Variants in FTO observed in about 807,000 individuals in gnomAD.
The protein encoded by FTO is FTO alpha-ketoglutarate dependent dioxygenase.
In FTO, 47 loss-of-function variants were observed where a neutral mutation model predicts 63.9. That is an observed-to-expected ratio of 0.74 (90% CI 0.58 to 0.94). FTO has a LOEUF of 0.94. Among genes scored for constraint, FTO ranks in the 40% least tolerant of loss-of-function variants. The pLI is 0.00. For missense variants in FTO, 562 were observed against 618.1 expected (o/e 0.91, Z 0.96); for synonymous variants, 207 against 224.4 (o/e 0.92, Z 0.69).
intron 8 of FTO, among the ~76,000 whole-genome samples, chr16:53,974,560 A>G (rs1211264241): frequency 6.6e-6 from 1 of 152,234 alleles, no homozygotes; most frequent in Non-Finnish European, 1.5e-5. Context: ...ACAGCTACTC[A>G]TATAAATTGC....
intron 1 of FTO, among the ~76,000 whole-genome samples, chr16:53,723,345 T>C (rs1353044204): frequency 6.6e-6 from 1 of 152,210 alleles, no homozygotes; most frequent in African/African-American, 2.4e-5. Context: ...AATCAATGAA[T>C]GATTATAAAG....
At chr16:53,834,254 G>A (rs139479445) in intron 3 of FTO, among the ~76,000 whole-genome samples, 5,052 of 152,152 alleles carry the variant, frequency 0.033, 133 homozygotes, top group Middle Eastern at 0.048. Context: ...TTGATCTCCT[G>A]ACCTTGTGAT....
intron 8 of FTO, chr16:53,937,263 A>G (rs1037942213): frequency 2.5e-6 from 1 of 398,628 alleles, no homozygotes; most frequent in Non-Finnish European, 4.4e-6. Flanking sequence ...GAATGATCCA[A>G]AGGACATCGG....
intron 1 of FTO, among the ~76,000 whole-genome samples, chr16:53,769,104 C>T (rs1427473331): frequency 2.0e-5 from 3 of 152,138 alleles, no homozygotes; most frequent in Non-Finnish European, 2.9e-5. Flanking sequence ...CAGAGTAAAT[C>T]AGAACTGTCT....
chr16:53,999,584 A>G (rs2084021657), intron 8 of FTO: 1 of 152,180 alleles, frequency 6.6e-6, no homozygotes, highest in South Asian at 2.1e-4. Context: ...GGTACTGCAC[A>G]TTTTTTGCTT....
At chr16:53,956,631 C>T (rs531887753) in intron 8 of FTO, 2 of 151,302 alleles carry the variant, frequency 1.3e-5, no homozygotes, top group Admixed American at 1.3e-4. Flanking sequence ...ATAATACAGT[C>T]ATGAAACATC....
chr16:53,999,366 G>GA (rs2084017566), intron 8 of FTO, among the ~76,000 whole-genome samples: 2 of 152,176 alleles, frequency 1.3e-5, no homozygotes, highest in Admixed American at 6.5e-5. Flanking sequence ...GAGGAACGGG[G>GA]AAGACTTTCC....
At position 54,063,874 on chromosome 16, in the gene FTO, C is replaced by T. The variant is rs767098874; in HGVS notation, c.1365-47888C>T. ...CTAGAACAGTGATCAGGATCGCTAT[C>T]GTTAATAAGATGGGTGTATGTGGGA... On this transcript the variant is annotated intron_variant, in intron 8 of 8. Transcript: ENST00000471389. 15 of 151,984 alleles carry T rather than the reference C, an allele frequency of 9.9e-5. No homozygotes were observed. In the East Asian group the frequency reaches 2.7e-3, roughly 27 times the overall value. The allele number at this position is 151,984 out of a possible 1,614,324, so 9.4% of individuals were successfully genotyped here.
intron 1 of FTO, among the ~76,000 whole-genome samples, chr16:53,745,828 G>A (rs934378691): frequency 6.6e-6 from 1 of 152,268 alleles, no homozygotes; most frequent in South Asian, 2.1e-4. Flanking sequence ...CCTATAATGT[G>A]ATCCCAGATA....
Position 54,117,499 on chromosome 16 carries a change from G to A in FTO, c.*5584G>A, listed in dbSNP as rs12597001. 6.6e-6 allele frequency: 1 copy of A among 151,800 alleles called. No homozygotes were observed. Among genetic ancestry groups the A allele is most frequent in the Non-Finnish European group, 1.5e-5 (1 of 67,960 alleles). 9.4% of individuals were successfully genotyped at this position (151,800 alleles called of 1,614,324 possible). ...ATCATGTCTGGTACTTAAAAATCACGCCACGCATGTACATTATTATGATGA... is the reference window on the plus strand; with the variant it reads ...ATCATGTCTGGTACTTAAAAATCACACCACGCATGTACATTATTATGATGA... On this transcript the variant is annotated 3_prime_UTR_variant, in exon 9 of 9. Transcript: ENST00000471389.
At chr16:53,815,674 A>C (rs1263789738) in intron 2 of FTO, among the ~76,000 whole-genome samples, 1 of 107,530 alleles carries the variant, frequency 9.3e-6, no homozygotes, top group Non-Finnish European at 1.6e-5. Context: ...TTTGAGACAG[A>C]GTCCCGCTCT....
At chr16:53,937,272 G>A (rs555366556) in intron 8 of FTO, 7 of 398,614 alleles carry the variant, frequency 1.8e-5, no homozygotes, top group Admixed American at 1.3e-4. Flanking sequence ...AAAGGACATC[G>A]GGAGAAGCTG....
At chr16:53,778,018 A>G (rs1357880078) in intron 1 of FTO, among the ~76,000 whole-genome samples, 2 of 152,170 alleles carry the variant, frequency 1.3e-5, no homozygotes, top group African/African-American at 4.8e-5. Context: ...TATGTTTACT[A>G]TTTTGTCACA....
chr16:54,044,161 G>A (rs1227857106), intron 8 of FTO, among the ~76,000 whole-genome samples: 1 of 73,120 alleles, frequency 1.4e-5, no homozygotes, highest in Non-Finnish European at 2.2e-5. Flanking sequence ...ACACAGACTG[G>A]CAAGTTGGAT....
chr16:53,719,632 G>GTTT (rs751170395), intron 1 of FTO, among the ~76,000 whole-genome samples: 3 of 100,010 alleles, frequency 3.0e-5, no homozygotes, highest in South Asian at 6.3e-4. Context: ...CTGGTAGTCT[G>GTTT]TTTTTTTTTT....
chr16:53,970,304 C>T (rs1482907070), intron 8 of FTO, among the ~76,000 whole-genome samples: 2 of 152,002 alleles, frequency 1.3e-5, no homozygotes, highest in Non-Finnish European at 2.9e-5. Flanking sequence ...TGAAAAACAA[C>T]AGGGGCTGGG....
intron 8 of FTO, chr16:53,993,711 T>G (rs2083868525): frequency 6.6e-6 from 1 of 152,210 alleles, no homozygotes; most frequent in East Asian, 1.9e-4. Context: ...ATATGAGCCT[T>G]TCTTTTTTCA....
At chr16:53,853,836 C>G (rs746901130) in intron 4 of FTO, among the ~76,000 whole-genome samples, 1 of 152,000 alleles carries the variant, frequency 6.6e-6, no homozygotes, top group Admixed American at 6.6e-5. Context: ...AGGTAGATAC[C>G]CAGCAGTGGA....
chr16:53,710,457 G>A (rs893164168), intron 1 of FTO, among the ~76,000 whole-genome samples: 1 of 151,880 alleles, frequency 6.6e-6, no homozygotes, highest in South Asian at 2.1e-4. Flanking sequence ...GTAGAGATGG[G>A]TTTCACCATG....
Sources: gnomAD v4.1 joint callset for allele counts (sites outside exome capture counted in the v4.1 genomes callset) on GRCh38, gnomAD v4.1.1 for gene constraint, MANE v1.5 for transcripts, NCBI Gene and HGNC (gene_info 2026-07-23, HGNC 2026-07-21) for gene names.